The following PUS7 variants were observed in gnomAD, a reference collection of about 807,000 sequenced individuals.
PUS7 encodes pseudouridylate synthase 7 homolog.
PUS7 carries 48 observed loss-of-function variants against 79.8 expected under a neutral mutation model. That is an observed-to-expected ratio of 0.60 (90% CI 0.48 to 0.76). The LOEUF is 0.76. PUS7 is among the 30% of genes least tolerant of loss of function. PUS7 has a pLI of 0.00. For synonymous variants in PUS7, 286 were observed against 272.2 expected, an observed-to-expected ratio of 1.05 and a Z score of -0.50; for missense variants, 729 against 797.6, an observed-to-expected ratio of 0.91 and a Z score of 1.04.
chr7:105,487,053 C>A (rs1824580367), intron 7 of PUS7, among the ~76,000 whole-genome samples: 1 of 151,620 alleles, frequency 6.6e-6, no homozygotes, highest in Admixed American at 6.6e-5. Flanking sequence ...AGAACGAGAC[C>A]CTGTATCAAA....
intron 1 of PUS7, among the ~76,000 whole-genome samples, chr7:105,518,253 C>T (rs1436278436): frequency 6.6e-6 from 1 of 151,990 alleles, no homozygotes; most frequent in Non-Finnish European, 1.5e-5. Context: ...GTTGAGGCTG[C>T]AGTAAGCCGT....
intron 1 of PUS7, among the ~76,000 whole-genome samples, chr7:105,517,969 G>A (rs553899268): frequency 1.3e-5 from 2 of 152,170 alleles, no homozygotes; most frequent in East Asian, 3.9e-4. Flanking sequence ...CCAGCATGGC[G>A]AAACCCCATT....
chr7:105,518,373 AAT>A (rs1220605766), intron 1 of PUS7, among the ~76,000 whole-genome samples: 4 of 151,900 alleles, frequency 2.6e-5, no homozygotes, highest in African/African-American at 9.7e-5. Flanking sequence ...TCAAAATTTT[AAT>A]ATAACACTAA....
chr7:105,467,352 T>G (rs902110929), intron 12 of PUS7, among the ~76,000 whole-genome samples: 3 of 150,944 alleles, frequency 2.0e-5, no homozygotes, highest in Non-Finnish European at 4.4e-5. Flanking sequence ...TGCAGTGGTG[T>G]GATCTCGGCT....
chr7:105,515,280 C>T (rs1006725891), intron 1 of PUS7, among the ~76,000 whole-genome samples: 9 of 152,120 alleles, frequency 5.9e-5, no homozygotes, highest in Non-Finnish European at 1.2e-4. Context: ...AAACCCTGTA[C>T]GAAAAATGTT....
chr7:105,516,335 G>T (rs954386467), intron 1 of PUS7, among the ~76,000 whole-genome samples: 1 of 152,102 alleles, frequency 6.6e-6, no homozygotes, highest in Non-Finnish European at 1.5e-5. Context: ...GCCTAAAAGC[G>T]GAGAGCATAT....
At chr7:105,518,993 C>T (rs1198099995) in intron 1 of PUS7, among the ~76,000 whole-genome samples, 2 of 152,110 alleles carry the variant, frequency 1.3e-5, no homozygotes, top group Non-Finnish European at 2.9e-5. Flanking sequence ...TTGTCTCGAA[C>T]TCCTGACCTC....
At chr7:105,518,136 A>C (rs1462408129) in intron 1 of PUS7, among the ~76,000 whole-genome samples, 1 of 151,848 alleles carries the variant, frequency 6.6e-6, no homozygotes, top group African/African-American at 2.4e-5. Flanking sequence ...TGACAGAGGG[A>C]GACTCTGTCT....
rs146651099 is a variant in PUS7 at position 105,501,677 on chromosome 7, C to T, written c.730+743G>A. ...CCTCTTTCAATACAGGGGTCTTGGC[C>T]GGGCGCACTGGCTCACACCTGTAAT... On this transcript the variant is annotated intron_variant, in intron 5 of 15. Transcript: ENST00000469408. Among the ~76,000 whole-genome samples the T allele has an allele frequency of 3.9e-3, 587 of 152,002 alleles. 1 individual carries two copies. The highest frequency in any genetic ancestry group is 8.9e-3 in the Admixed American group (136 of 15,268).
chr7:105,502,677 A>C, intron 4 of PUS7, 113 bp from the exon 5 acceptor site: 3 of 1,148,038 alleles, frequency 2.6e-6, no homozygotes, highest in South Asian at 1.4e-5. Flanking sequence ...AAAATAACAA[A>C]AGTGCCTGCA....
At chr7:105,470,481 T>C (rs938627713) in intron 11 of PUS7, 1 of 418,968 alleles carries the variant, frequency 2.4e-6, no homozygotes, top group Non-Finnish European at 4.1e-6. Context: ...GCTTTTCTTG[T>C]GCCCTCAATA....
At chr7:105,490,014 G>C (rs188994545) in intron 7 of PUS7, among the ~76,000 whole-genome samples, 1 of 151,920 alleles carries the variant, frequency 6.6e-6, no homozygotes, top group African/African-American at 2.4e-5. Context: ...AGCTACTTGG[G>C]AGGCTGAGGC....
chr7:105,508,577 T>A, intron 1 of PUS7, 33 bp from the exon 2 acceptor site: 1 of 1,553,916 alleles, frequency 6.4e-7, no homozygotes, highest in Non-Finnish European at 8.7e-7. Context: ...AACAATCACC[T>A]ATATAAAAGC....
intron 7 of PUS7, among the ~76,000 whole-genome samples, chr7:105,488,774 T>C (rs914168374): frequency 1.3e-5 from 2 of 152,192 alleles, no homozygotes; most frequent in Non-Finnish European, 2.9e-5. Flanking sequence ...AAAAAATATA[T>C]ACCATGTTGT....
chr7:105,515,711 T>C (rs984292713), intron 1 of PUS7, among the ~76,000 whole-genome samples: 2 of 152,092 alleles, frequency 1.3e-5, no homozygotes, highest in Non-Finnish European at 2.9e-5. Context: ...CACTGCAACC[T>C]CCAACTCCTG....
At chr7:105,496,290 GC>G (rs1203025676) in intron 5 of PUS7, among the ~76,000 whole-genome samples, 3 of 142,286 alleles carry the variant, frequency 2.1e-5, no homozygotes, top group African/African-American at 7.7e-5. Context: ...TTAGATTTAA[GC>G]TGCTCAAAAT....
intron 1 of PUS7, among the ~76,000 whole-genome samples, chr7:105,515,809 T>TTATG (rs1166204672): frequency 1.6e-4 from 24 of 149,220 alleles, no homozygotes; most frequent in African/African-American, 5.9e-4. Context: ...ATTTATTTAT[T>TTATG]TATTTATTTA....
Position 105,482,368 on chromosome 7 carries a change from T to C in PUS7, c.993A>G (p.Gln331=). 1.2e-6 allele frequency: 2 copies of C among 1,613,094 alleles called. No individual in the cohort carries two copies. Among genetic ancestry groups the C allele is most frequent in the South Asian group, 1.1e-5 (1 of 91,066 alleles). ...GCTCTCCCAATTTCAGTGGGTTTTT[T>C]TGATAGCTGAAATTCCCTAGCTTAA... ...MNFKLGNFSY[Q]KNPLKLGELQ... is the part of the protein sequence containing the mutation. Residue 331 remains glutamine, a synonymous_variant, in exon 8 of 16, where the codon CAA becomes CAG. Transcript: ENST00000469408.
intron 7 of PUS7, among the ~76,000 whole-genome samples, chr7:105,487,260 C>T (rs1824587897): frequency 6.6e-6 from 1 of 152,148 alleles, no homozygotes; most frequent in Non-Finnish European, 1.5e-5. Flanking sequence ...TTTCCTCTCC[C>T]TGCAGACCTC....
Sources: allele counts gnomAD v4.1 joint callset (sites outside exome capture counted in the v4.1 genomes callset), GRCh38; gene constraint gnomAD v4.1.1; transcripts MANE v1.5; gene names NCBI Gene and HGNC (gene_info 2026-07-23, HGNC 2026-07-21).